The following FUT8 variants were observed in gnomAD, a reference collection of about 807,000 sequenced individuals.
FUT8 encodes fucosyltransferase 8.
In FUT8, 29 loss-of-function variants were observed where a neutral mutation model predicts 71.3. The observed-to-expected ratio is 0.41, with a 90% CI of 0.30 to 0.55. FUT8 has a LOEUF of 0.55. FUT8 is among the 20% of genes least tolerant of loss of function. The probability of loss-of-function intolerance (pLI) is 0.34; values close to 1 mark genes in which losing one functional copy is unlikely to be tolerated. For synonymous variants in FUT8, 254 were observed against 239.3 expected, an observed-to-expected ratio of 1.06 and a Z score of -0.57; for missense variants, 544 against 702.1, an observed-to-expected ratio of 0.77 and a Z score of 2.55.
chr14:65,613,841 C>T (rs953592093), intron 3 of FUT8, among the ~76,000 whole-genome samples: 6 of 151,962 alleles, frequency 3.9e-5, no homozygotes. Flanking sequence ...GGCTGGGCGC[C>T]GTGGCTCATA....
rs1791827368 is a variant in FUT8 at position 65,665,303 on chromosome 14, G to A, written c.598-3940G>A. Among the ~76,000 whole-genome samples the A allele has an allele frequency of 2.6e-5, 4 of 152,136 alleles. No homozygotes were observed. In the South Asian group the frequency reaches 8.3e-4, roughly 31 times the overall value. ...GATAATTTGAGTTTCATCATAGAAG[G>A]TAAGCTCAGAATGCTGAAATGCTGC... On this transcript the variant is annotated intron_variant, in intron 6 of 10. Coordinates refer to ENST00000673929, the MANE Select transcript of FUT8 (RefSeq NM_001371533.1).
chr14:65,504,952 AAG>A (rs1353686845), intron 2 of FUT8, among the ~76,000 whole-genome samples: 1 of 152,230 alleles, frequency 6.6e-6, no homozygotes, highest in African/African-American at 2.4e-5. Flanking sequence ...CAGAAAAAGA[AAG>A]AAAGGGAAAA....
chr14:65,411,730 TG>T (rs2065126159), upstream of FUT8: 1 of 293,354 alleles, frequency 3.4e-6, no homozygotes, highest in South Asian at 2.9e-5. Context: ...GCCCCAGGCT[TG>T]GGATCTGGGT....
chr14:65,358,862 C>T, the FUT8 span, among the ~76,000 whole-genome samples: 2 of 151,956 alleles, frequency 1.3e-5, no homozygotes, highest in African/African-American at 4.8e-5. Context: ...TATATTTTCC[C>T]CTTAATAATT....
intron 2 of FUT8, among the ~76,000 whole-genome samples, chr14:65,509,441 T>A (rs139962814): frequency 0.034 from 5,206 of 152,252 alleles, 103 homozygotes; most frequent in Non-Finnish European, 0.04. Flanking sequence ...GGGTTTTTTT[T>A]ATATCTCTGT....
At chr14:65,573,534 C>A (rs149465301) in intron 3 of FUT8, among the ~76,000 whole-genome samples, 2 of 151,842 alleles carry the variant, frequency 1.3e-5, no homozygotes, top group South Asian at 4.2e-4. Flanking sequence ...CAAAGCTTAG[C>A]GAAAGGCACT....
intron 7 of FUT8, among the ~76,000 whole-genome samples, chr14:65,717,454 T>C (rs11629273): frequency 0.61 from 71,658 of 118,254 alleles, 21,338 homozygotes; most frequent in African/African-American, 0.63. Flanking sequence ...ACAGGGCAGC[T>C]GGGCAGAGGC....
intron 3 of FUT8, among the ~76,000 whole-genome samples, chr14:65,592,276 A>G (rs1887732998): frequency 6.6e-6 from 1 of 152,110 alleles, no homozygotes; most frequent in Admixed American, 6.5e-5. Flanking sequence ...GTATATTTAA[A>G]TTCTAGACAA....
chr14:65,536,588 C>G (rs1368151732), intron 2 of FUT8, among the ~76,000 whole-genome samples: 1 of 152,174 alleles, frequency 6.6e-6, no homozygotes, highest in African/African-American at 2.4e-5. Context: ...CCCCCAATCT[C>G]TTCTGACTTA....
At chr14:65,458,725 T>C (rs2139573412) in intron 2 of FUT8, among the ~76,000 whole-genome samples, 1 of 152,252 alleles carries the variant, frequency 6.6e-6, no homozygotes, top group African/African-American at 2.4e-5. Flanking sequence ...CGTGGCCTGC[T>C]GTATTGTGTT....
rs529724401 is a variant in FUT8, at chr14:65,451,162, C to T, written c.-325-4459C>T. On this transcript the variant is annotated intron_variant, in intron 1 of 10. Transcript: ENST00000673929. ...TGAGCCACTGCGCCTTGCCCCAGCCCACCACTCTTAACTCCTTGTGGAAGG... is the reference window on the plus strand; with the variant it reads ...TGAGCCACTGCGCCTTGCCCCAGCCTACCACTCTTAACTCCTTGTGGAAGG... Among the ~76,000 whole-genome samples, 189 of 152,296 alleles carry T rather than the reference C, an allele frequency of 1.2e-3. 1 individual carries two copies. The highest frequency in any genetic ancestry group is 6.8e-3 in the Middle Eastern group (2 of 294).
At chr14:65,517,615 A>G (rs1351621759) in intron 2 of FUT8, among the ~76,000 whole-genome samples, 1 of 152,184 alleles carries the variant, frequency 6.6e-6, no homozygotes, top group Non-Finnish European at 1.5e-5. Flanking sequence ...TGGGGTGATC[A>G]TATCAACATG....
intron 2 of FUT8, among the ~76,000 whole-genome samples, chr14:65,482,015 A>G (rs2066338915): frequency 6.6e-6 from 1 of 152,132 alleles, no homozygotes; most frequent in Non-Finnish European, 1.5e-5. Context: ...GTGTTTATCT[A>G]TCAGTTTGTT....
At chr14:65,707,624 C>T (rs142982480) in intron 7 of FUT8, among the ~76,000 whole-genome samples, 79 of 152,184 alleles carry the variant, frequency 5.2e-4, no homozygotes, top group African/African-American at 1.8e-3. Flanking sequence ...AGTTTCAGAT[C>T]TTAAAGTCTT....
intron 7 of FUT8, among the ~76,000 whole-genome samples, chr14:65,671,584 C>T (rs1022023766): frequency 3.3e-5 from 5 of 152,102 alleles, no homozygotes; most frequent in African/African-American, 1.2e-4. Flanking sequence ...CACTTTACCT[C>T]GTTACTAGCA....
chr14:65,484,138 T>A lies in FUT8; in HGVS notation c.-228+28420T>A, dbSNP rs139544445. 2.7e-3 allele frequency among the ~76,000 whole-genome samples: 407 copies of A among 152,342 alleles called. 4 individuals carry two copies. The highest frequency in any genetic ancestry group is 9.3e-3 in the African/African-American group (388 of 41,588). ...CTGTACTCATTCTGGTAGCTTTTTT[T>A]GTAGATTACATTGGCTTTTCTGCAT... is the stretch of plus-strand genomic sequence containing the variant. On this transcript the variant is annotated intron_variant, in intron 2 of 10. Transcript: ENST00000673929.
At chr14:65,683,058 G>T (rs1594893602) in intron 7 of FUT8, among the ~76,000 whole-genome samples, 1 of 147,866 alleles carries the variant, frequency 6.8e-6, no homozygotes, top group South Asian at 2.1e-4. Flanking sequence ...TTGTCACCTA[G>T]GCTGGAGTGC....
intron 6 of FUT8, among the ~76,000 whole-genome samples, chr14:65,657,708 G>A (rs753803958): frequency 1.3e-5 from 2 of 152,024 alleles, no homozygotes; most frequent in African/African-American, 2.4e-5. Context: ...GTAAGGGGAC[G>A]TGGTTAATGG....
In FUT8 at chr14:65,669,552, TAG is replaced by T; in HGVS notation, c.835+74_835+75del. 1 of 1,009,470 alleles carries T rather than the reference TAG, an allele frequency of 9.9e-7. No individual in the cohort carries two copies. The highest frequency in any genetic ancestry group is 1.6e-6 in the Non-Finnish European group (1 of 644,478). 62.5% of individuals were successfully genotyped at this position (1,009,470 alleles called of 1,614,324 possible). ...ATTACCAGATTATTAGATTTCTAGG[TAG>T]ACCTTCATGGAACATACTTATCTTT... On this transcript the variant is annotated intron_variant, in intron 7 of 10. Coordinates refer to ENST00000673929, the MANE Select transcript of FUT8 (RefSeq NM_001371533.1). This position sits in a 1 kb window ranked among gnomAD's most constrained non-coding sequence, Gnocchi z 4.5.
Sources: allele counts gnomAD v4.1 joint callset (sites outside exome capture counted in the v4.1 genomes callset), GRCh38; gene constraint gnomAD v4.1.1; non-coding constraint Gnocchi (gnomAD v3.1); transcripts MANE v1.5; gene names NCBI Gene and HGNC (gene_info 2026-07-23, HGNC 2026-07-21).